TLCD3A: variants seen among roughly 807,000 people sequenced by gnomAD.
TLCD3A encodes TLC domain-containing protein 3A.
In TLCD3A, 17 loss-of-function variants were observed where a neutral mutation model predicts 29.9. That is an observed-to-expected ratio of 0.57 (90% CI 0.39 to 0.85). TLCD3A has a LOEUF of 0.85. TLCD3A is among the 40% of genes least tolerant of loss of function. TLCD3A has a pLI of 0.00. For missense variants in TLCD3A, 332 were observed against 350.8 expected (o/e 0.95, Z 0.43); for synonymous variants, 143 against 147.7 (o/e 0.97, Z 0.23).
At chr17:737,737 T>C in intron 2 of TLCD3A, 109 bp from the exon 3 acceptor site, 1 of 1,045,932 alleles carries the variant, frequency 9.6e-7, no homozygotes, top group Non-Finnish European at 1.5e-6. Flanking sequence ...ACATCTTTAT[T>C]GTAAAGTATT....
At chr17:734,937 C>T (rs1397506436) in intron 2 of TLCD3A, among the ~76,000 whole-genome samples, 2 of 152,192 alleles carry the variant, frequency 1.3e-5, no homozygotes, top group Non-Finnish European at 2.9e-5. Context: ...CCACTCAGGC[C>T]TCCCAAAGTG....
chr17:741,213 G>T, intron 4 of TLCD3A, 88 bp from the exon 5 acceptor site: 1 of 1,365,626 alleles, frequency 7.3e-7, no homozygotes, highest in Non-Finnish European at 1.0e-6. Context: ...CACCTGTGTG[G>T]CATTTACTGT....
chr17:732,846 C>A (rs1974091426), intron 1 of TLCD3A, 77 bp downstream of exon 1: 1 of 1,373,188 alleles, frequency 7.3e-7, no homozygotes, highest in Non-Finnish European at 9.3e-7. Context: ...GGGCCCAGGG[C>A]GGAAAAGGGG....
At position 741,581 on chromosome 17, in the gene TLCD3A, G is replaced by A; in HGVS notation, c.*11G>A. ...AAAAAGGATGGCTAAATGCTCCTGG[G>A]AGTCAGGCGCAGCCTCACACCAGCT... On this transcript the variant is annotated 3_prime_UTR_variant, in exon 5 of 5. Coordinates refer to ENST00000308278, the MANE Select transcript of TLCD3A (RefSeq NM_024792.3). The A allele has an allele frequency of 6.2e-7, 1 of 1,609,714 alleles. No individual in the cohort carries two copies.
Position 740,596 on chromosome 17 carries a change from T to C in TLCD3A, c.500T>C (p.Ile167Thr). ...TTTGTGTCGCTGGGCAGGGTTCTGA[T>C]TCAGGCATGTATGAATGAAATGACA... ...TPFVSLGRVLIQLKQQHTLLY... is the reference protein window; with the variant it reads ...TPFVSLGRVLTQLKQQHTLLY... The change falls in exon 4 of 5, where the codon ATT (isoleucine) becomes ACT (threonine). Residue 167 changes from isoleucine to threonine, a missense_variant. By Grantham distance (89) the Ile-to-Thr change is moderately conservative. Coordinates refer to ENST00000308278, the MANE Select transcript of TLCD3A (RefSeq NM_024792.3). 3.1e-6 allele frequency: 5 copies of C among 1,610,946 alleles called. No individual in the cohort carries two copies. Among genetic ancestry groups the C allele is most frequent in the Non-Finnish European group, 4.2e-6 (5 of 1,177,312 alleles).
At chr17:741,251 A>G in intron 4 of TLCD3A, 50 bp from the exon 5 acceptor site, 1 of 1,602,660 alleles carries the variant, frequency 6.2e-7, no homozygotes, top group South Asian at 1.1e-5. Flanking sequence ...TCGCTCCCTG[A>G]TGCCCAGCTT....
chr17:735,473 CAT>C (rs1352487377), intron 2 of TLCD3A, among the ~76,000 whole-genome samples: 1 of 152,226 alleles, frequency 6.6e-6, no homozygotes, highest in Admixed American at 6.5e-5. Flanking sequence ...GGATTCTACT[CAT>C]GAGTCACAAT....
At chr17:734,192 T>TTC (rs1030874655) in intron 2 of TLCD3A, among the ~76,000 whole-genome samples, 5 of 93,728 alleles carry the variant, frequency 5.3e-5, no homozygotes, top group South Asian at 4.7e-4. Context: ...CTTCTTCTTC[T>TTC]TTTTTTTTTA....
intron 3 of TLCD3A, 43 bp downstream of exon 3, chr17:738,090 G>C (rs371679197): frequency 1.9e-6 from 1 of 526,376 alleles, no homozygotes; most frequent in Non-Finnish European, 2.8e-6. Context: ...GGGTTGAGCT[G>C]GGTGTCTTTT....
rs374680810 is a variant in TLCD3A at position 740,554 on chromosome 17, C to T, written c.458C>T (p.Ala153Val). ...GDFFVGCIFT[A>V]ELSTPFVSLG... ...TTCTTTGTCGGCTGCATCTTCACGGCAGAACTGAGCACTCCGTTTGTGTCG... is the reference window on the plus strand; with the variant it reads ...TTCTTTGTCGGCTGCATCTTCACGGTAGAACTGAGCACTCCGTTTGTGTCG... The change falls in exon 4 of 5, where the codon GCA becomes GTA. Residue 153 changes from alanine (A) to valine (V), a missense_variant. By Grantham distance (64) the Ala-to-Val change is moderately conservative. Coordinates refer to ENST00000308278, the MANE Select transcript of TLCD3A (RefSeq NM_024792.3). 4 of 1,614,088 alleles carry T rather than the reference C, an allele frequency of 2.5e-6. No homozygotes were observed. The highest frequency in any genetic ancestry group is 3.4e-6 in the Non-Finnish European group (4 of 1,179,988).
At chr17:736,029 C>G (rs930604489) in intron 2 of TLCD3A, among the ~76,000 whole-genome samples, 9 of 148,722 alleles carry the variant, frequency 6.1e-5, no homozygotes, top group East Asian at 5.9e-4. Flanking sequence ...ATGAATTCAC[C>G]TACAAGTGTG....
intron 2 of TLCD3A, 28 bp downstream of exon 2, chr17:733,209 C>T (rs1974104040): frequency 1.3e-6 from 2 of 1,508,408 alleles, no homozygotes; most frequent in South Asian, 1.3e-5. Context: ...GGCCTTGTTG[C>T]AAATGTCACA....
Position 741,660 on chromosome 17 carries a change from CTT to C in TLCD3A, c.*92_*93del, listed in dbSNP as rs761508840. 5.9e-5 allele frequency: 86 copies of C among 1,463,532 alleles called. No homozygotes were observed. Among genetic ancestry groups the C allele is most frequent in the Non-Finnish European group, 7.8e-5 (84 of 1,081,118 alleles). 90.7% of individuals were successfully genotyped at this position (1,463,532 alleles called of 1,614,324 possible). On this transcript the variant is annotated 3_prime_UTR_variant, in exon 5 of 5. Transcript: ENST00000308278. ...AAATTGTGCCCTGGGTAGCCTCAGA[CTT>C]TGGGTATTGATAAGCCGATGGATTT...
intron 3 of TLCD3A, among the ~76,000 whole-genome samples, chr17:739,438 C>T (rs1423447074): frequency 1.3e-5 from 2 of 152,204 alleles, no homozygotes; most frequent in African/African-American, 4.8e-5. Flanking sequence ...ATCCACCTGC[C>T]TCAGCCTCCC....
intron 3 of TLCD3A, 49 bp from the exon 4 acceptor site, chr17:740,456 T>A (rs781235638): frequency 1.4e-6 from 2 of 1,391,656 alleles, no homozygotes; most frequent in Non-Finnish European, 2.0e-6. Context: ...TTCCTTCTGG[T>A]GGTTTCTTAA....
At chr17:741,185 G>C in intron 4 of TLCD3A, 116 bp from the exon 5 acceptor site, 1 of 1,021,970 alleles carries the variant, frequency 9.8e-7, no homozygotes, top group Non-Finnish European at 1.5e-6. Context: ...TGACAGCCAA[G>C]GTCTTGATGA....
chr17:739,184 T>A lies in TLCD3A; in HGVS notation c.408+1137T>A, dbSNP rs547676493. 6.6e-5 allele frequency among the ~76,000 whole-genome samples: 10 copies of A among 151,852 alleles called. 1 individual carries two copies. Among genetic ancestry groups the A allele is most frequent in the South Asian group, 6.2e-4 (3 of 4,820 alleles). On this transcript the variant is annotated intron_variant, in intron 3 of 4. Transcript: ENST00000308278. ...AGGGGAAGGCATGCGTTTTTTTTTT[T>A]AATTATTCATTTATTTAGTTATTCA...
At chr17:739,051 A>C (rs1227141529) in intron 3 of TLCD3A, among the ~76,000 whole-genome samples, 1 of 152,226 alleles carries the variant, frequency 6.6e-6, no homozygotes, top group Non-Finnish European at 1.5e-5. Flanking sequence ...TCTCAAAGCA[A>C]ATAGCCTCCT....
rs372395025 is a variant in TLCD3A, at chr17:741,410, G to A, written c.614G>A (p.Arg205His). Residue 205 changes from arginine to histidine, a missense_variant, in exon 5 of 5, where the codon CGC becomes CAC. Arg to His is a conservative substitution (Grantham distance 29, BLOSUM62 0). Transcript: ENST00000308278. ...LFPFMYWSYG[R>H]QQGLSLLQVP... ...CCCTTCATGTACTGGTCCTATGGCC[G>A]CCAGCAGGGACTAAGCCTGCTCCAA... 15 of 1,614,016 alleles carry A rather than the reference G, an allele frequency of 9.3e-6. No individual in the cohort carries two copies. Among genetic ancestry groups the A allele is most frequent in the East Asian group, 4.5e-5 (2 of 44,898 alleles).
Sources: allele counts gnomAD v4.1 joint callset (sites outside exome capture counted in the v4.1 genomes callset), GRCh38; gene constraint gnomAD v4.1.1; transcripts MANE v1.5; gene names NCBI Gene and HGNC (gene_info 2026-07-23, HGNC 2026-07-21).